ELFN1: variants seen among roughly 807,000 people sequenced by gnomAD.
ELFN1 encodes the protein extracellular leucine rich repeat and fibronectin type III domain containing 1, also known as protein ELFN1.
ELFN1 carries 6 observed loss-of-function variants against 7.6 expected under a neutral mutation model. The observed-to-expected ratio is 0.79, with a 90% CI of 0.43 to 1.56. The LOEUF (loss-of-function observed/expected upper bound fraction) is 1.56, where lower values mean the gene tolerates loss of function less well. ELFN1 is among the 40% of genes most tolerant of loss of function. The pLI is 0.01. For missense variants in ELFN1, 1,169 were observed against 1,232.2 expected (o/e 0.95, Z 0.77); for synonymous variants, 657 against 588.1 (o/e 1.12, Z -1.70).
chr7:1,667,850 G>C (rs546880645), upstream of ELFN1, among the ~76,000 whole-genome samples: 1 of 152,196 alleles, frequency 6.6e-6, no homozygotes, highest in East Asian at 1.9e-4. The surrounding 1 kb of genome is among the most constrained non-coding windows in gnomAD (Gnocchi z 8.2). Context: ...CGCGGCGGCG[G>C]CGCCGGCGTC....
chr7:1,698,853 T>G (rs977873305), intron 2 of ELFN1, among the ~76,000 whole-genome samples: 17 of 152,208 alleles, frequency 1.1e-4, no homozygotes, highest in Non-Finnish European at 2.5e-4. Context: ...CACAGCTTAA[T>G]GAATTTTCAC....
intron 2 of ELFN1, among the ~76,000 whole-genome samples, chr7:1,704,290 C>T (rs1324243529): frequency 1.3e-5 from 2 of 152,198 alleles, no homozygotes; most frequent in Non-Finnish European, 2.9e-5. Flanking sequence ...TACTCTCCCC[C>T]TCCTCACCCC....
chr7:1,733,974 A>C (rs1362622853), intron 3 of ELFN1, among the ~76,000 whole-genome samples: 1 of 152,168 alleles, frequency 6.6e-6, no homozygotes, highest in Non-Finnish European at 1.5e-5. Context: ...TGCAAGCTTG[A>C]GATCATCAGA....
rs112767401 is a variant in ELFN1, at chr7:1,673,996, G to T, written c.-549+3642G>T. ...GGGAGGCAGAGAGGACGACTACTCC[G>T]CTCCCTGCTCCAGGCCACGGGGGTA... On this transcript the variant is annotated intron_variant, in intron 1 of 3. Coordinates refer to ENST00000424383, the MANE Select transcript of ELFN1 (RefSeq NM_001128636.4). The surrounding 1 kb of genome is among the most constrained non-coding windows in gnomAD (Gnocchi z 4.7). Among the ~76,000 whole-genome samples the T allele has an allele frequency of 6.6e-6, 1 of 152,182 alleles. No individual in the cohort carries two copies. The highest frequency in any genetic ancestry group is 2.4e-5 in the African/African-American group (1 of 41,428).
chr7:1,744,618 G>C lies in ELFN1; in HGVS notation c.22G>C (p.Ala8Pro). ...CCCGATGGCCGGGCGTGGGTGGGGCGCGCTGTGGGTGTGCGTGGCGGCCGC... is the reference window on the plus strand; with the variant it reads ...CCCGATGGCCGGGCGTGGGTGGGGCCCGCTGTGGGTGTGCGTGGCGGCCGC... MAGRGWG[A>P]LWVCVAAATL... The change falls in exon 4 of 4, where the codon GCG becomes CCG. Residue 8 changes from alanine (A) to proline (P), a missense_variant. This residue lies in a region of ELFN1 where 255 missense variants were observed against 359.6 expected (regional missense o/e 0.71). Coordinates refer to ENST00000424383, the MANE Select transcript of ELFN1 (RefSeq NM_001128636.4). 2 of 1,542,264 alleles carry C rather than the reference G, an allele frequency of 1.3e-6. No individual in the cohort carries two copies. Among genetic ancestry groups the C allele is most frequent in the South Asian group, 2.4e-5 (2 of 83,186 alleles).
intron 3 of ELFN1, among the ~76,000 whole-genome samples, chr7:1,716,851 G>T (rs1779849011): frequency 6.6e-6 from 1 of 152,214 alleles, no homozygotes; most frequent in Non-Finnish European, 1.5e-5. Flanking sequence ...GCCATGGAGG[G>T]GGAGGGGAGA....
chr7:1,717,958 C>G (rs1779885208), intron 3 of ELFN1, among the ~76,000 whole-genome samples: 1 of 152,210 alleles, frequency 6.6e-6, no homozygotes, highest in African/African-American at 2.4e-5. Context: ...TTAGGTAGGA[C>G]AAGCTGTTGA....
At chr7:1,677,452 A>G (rs887867150) in intron 1 of ELFN1, among the ~76,000 whole-genome samples, 1 of 152,198 alleles carries the variant, frequency 6.6e-6, no homozygotes, top group Non-Finnish European at 1.5e-5. Flanking sequence ...ATATGGGAGC[A>G]GGCACGCATG....
At chr7:1,738,782 C>CA (rs1403572589) in intron 3 of ELFN1, 2 of 151,884 alleles carry the variant, frequency 1.3e-5, no homozygotes, top group African/African-American at 2.4e-5. Flanking sequence ...TGGGATGCCA[C>CA]AGCAGTGACC....
chr7:1,726,071 A>G (rs780109253), intron 3 of ELFN1, among the ~76,000 whole-genome samples: 4 of 151,918 alleles, frequency 2.6e-5, no homozygotes, highest in Non-Finnish European at 1.5e-5. Context: ...ACACACACAC[A>G]ATACACACAC....
chr7:1,693,732 C>A (rs998765611), intron 2 of ELFN1: 1 of 470,902 alleles, frequency 2.1e-6, no homozygotes, highest in African/African-American at 2.0e-5. Context: ...CCCGCTCGTC[C>A]CCATGGCAAC....
At chr7:1,718,725 A>C (rs1048331712) in intron 3 of ELFN1, among the ~76,000 whole-genome samples, 2 of 152,082 alleles carry the variant, frequency 1.3e-5, no homozygotes, top group East Asian at 1.9e-4. Flanking sequence ...GGTCACACTC[A>C]AGTTAATGAT....
At position 1,745,748 on chromosome 7, in the gene ELFN1, C is replaced by T; in HGVS notation, c.1152C>T (p.Thr384=). ...ACTACACCTACTGCGTGGTGTCCAC[C>T]AGCGCCGGGCTGCGCCACAACCACA... ...LTNYTYCVVS[T]SAGLRHNHTC... The change falls in exon 4 of 4, where the codon ACC becomes ACT. Residue 384 remains threonine (T), a synonymous_variant. Coordinates refer to ENST00000424383, the MANE Select transcript of ELFN1 (RefSeq NM_001128636.4). 1 of 1,551,498 alleles carries T rather than the reference C, an allele frequency of 6.4e-7. No homozygotes were observed. Among genetic ancestry groups the T allele is most frequent in the African/African-American group, 1.4e-5 (1 of 73,180 alleles).
Position 1,747,120 on chromosome 7 carries a change from G to T in ELFN1, c.*37G>T. On this transcript the variant is annotated 3_prime_UTR_variant, in exon 4 of 4. Transcript: ENST00000424383. ...CCGGCGATGCCCACTGGACCAAAAA[G>T]GATGCAGGATCCACCCAGAGACTCA... The T allele has an allele frequency of 1.4e-6, 2 of 1,434,484 alleles. No individual in the cohort carries two copies. Among genetic ancestry groups the T allele is most frequent in the Non-Finnish European group, 9.2e-7 (1 of 1,088,644 alleles). 88.9% of individuals were successfully genotyped at this position (1,434,484 alleles called of 1,614,324 possible).
At chr7:1,701,754 G>A (rs1779432434) in intron 2 of ELFN1, among the ~76,000 whole-genome samples, 1 of 152,118 alleles carries the variant, frequency 6.6e-6, no homozygotes, top group African/African-American at 2.4e-5. Flanking sequence ...AGTGAGCTGT[G>A]ATTATGCCAC....
rs981443616 is a variant in ELFN1, at chr7:1,688,118, C to G, written c.-488C>G. On this transcript the variant is annotated 5_prime_UTR_variant, in exon 2 of 4. Coordinates refer to ENST00000424383, the MANE Select transcript of ELFN1 (RefSeq NM_001128636.4). Reference sequence around the variant, plus strand: ...AAATTCCTGGACTTAAGCGATTCTCCTACGTTGGTCTCCCAAAGTGCTGGG... The same window carrying G: ...AAATTCCTGGACTTAAGCGATTCTCGTACGTTGGTCTCCCAAAGTGCTGGG... 6.6e-6 allele frequency: 1 copy of G among 151,228 alleles called. No homozygotes were observed. Among genetic ancestry groups the G allele is most frequent in the Non-Finnish European group, 1.5e-5 (1 of 67,910 alleles). 9.4% of individuals were successfully genotyped at this position (151,228 alleles called of 1,614,324 possible). A position where few individuals can be genotyped will look rare whatever the true frequency, so the allele number is the denominator to read the frequency against.
At chr7:1,672,114 G>A (rs1245311775) in intron 1 of ELFN1, among the ~76,000 whole-genome samples, 1 of 152,130 alleles carries the variant, frequency 6.6e-6, no homozygotes, top group Non-Finnish European at 1.5e-5. Flanking sequence ...CAGCAGGCTC[G>A]GCAGGCAGCT....
intron 3 of ELFN1, among the ~76,000 whole-genome samples, chr7:1,720,951 G>A (rs1481608276): frequency 6.6e-6 from 1 of 152,140 alleles, no homozygotes; most frequent in Non-Finnish European, 1.5e-5. Flanking sequence ...TTACCAACGT[G>A]TCCCTTGCAC....
intron 1 of ELFN1, among the ~76,000 whole-genome samples, chr7:1,678,874 G>A (rs1433443138): frequency 1.3e-5 from 2 of 152,212 alleles, no homozygotes; most frequent in South Asian, 2.1e-4. Flanking sequence ...CGGGCATCGC[G>A]TGGACACGCT....
Sources: gnomAD v4.1 joint callset for allele counts (sites outside exome capture counted in the v4.1 genomes callset) on GRCh38, gnomAD v4.1.1 for gene constraint, gnomAD v4.1.1 regional missense constraint, Gnocchi (gnomAD v3.1) non-coding constraint, MANE v1.5 for transcripts, NCBI Gene and HGNC (gene_info 2026-07-23, HGNC 2026-07-21) for gene names.